The following FBXL20 variants were observed in gnomAD, a reference collection of about 807,000 sequenced individuals.
The protein encoded by FBXL20 is F-box/LRR-repeat protein 20.
In FBXL20, 11 loss-of-function variants were observed where a neutral mutation model predicts 64.0. The observed-to-expected ratio is 0.17, with a 90% confidence interval of 0.11 to 0.28. FBXL20 has a LOEUF of 0.28. Ranked by LOEUF, FBXL20 falls within the 10% of genes least tolerant of loss-of-function variation. The pLI is 1.00. For synonymous variants in FBXL20, 184 were observed against 189.0 expected (o/e 0.97, Z 0.22); for missense variants, 303 against 526.2 (o/e 0.58, Z 4.15).
chr17:39,304,337 G>C (rs746665409), intron 2 of FBXL20, among the ~76,000 whole-genome samples: 12 of 152,100 alleles, frequency 7.9e-5, no homozygotes, highest in Non-Finnish European at 1.8e-4. Flanking sequence ...ACGCAGGCTT[G>C]AGTGCAGTGG....
intron 1 of FBXL20, among the ~76,000 whole-genome samples, chr17:39,363,651 AATTT>A (rs1348132913): frequency 1.3e-5 from 2 of 151,670 alleles, no homozygotes; most frequent in Non-Finnish European, 2.9e-5. Context: ...CTCTAGAAAA[AATTT>A]TAAAAACTAG....
At chr17:39,382,051 CCACTG>C (rs1010960463) in intron 1 of FBXL20, among the ~76,000 whole-genome samples, 10 of 148,256 alleles carry the variant, frequency 6.7e-5, no homozygotes, top group Non-Finnish European at 1.0e-4. Flanking sequence ...CCAGATCAGG[CCACTG>C]CACTCCAGCC....
intron 11 of FBXL20, among the ~76,000 whole-genome samples, chr17:39,269,746 C>G (rs527593707): frequency 3.3e-5 from 5 of 152,118 alleles, no homozygotes; most frequent in South Asian, 2.1e-4. Flanking sequence ...GATCCACCCC[C>G]CTTGGCCTCC....
intron 1 of FBXL20, among the ~76,000 whole-genome samples, chr17:39,365,197 T>C (rs1390248471): frequency 6.6e-6 from 1 of 152,228 alleles, no homozygotes; most frequent in Admixed American, 6.5e-5. Context: ...ATGTGTATTT[T>C]TCCTATAAGT....
At chr17:39,312,149 G>A (rs1015744163) in intron 2 of FBXL20, among the ~76,000 whole-genome samples, 1 of 152,092 alleles carries the variant, frequency 6.6e-6, no homozygotes, top group Non-Finnish European at 1.5e-5. Flanking sequence ...GGGCATGGTG[G>A]CTCACGCCTG....
chr17:39,382,433 A>C, intron 1 of FBXL20, among the ~76,000 whole-genome samples: 2 of 130,688 alleles, frequency 1.5e-5, no homozygotes, highest in African/African-American at 3.3e-5. Context: ...ACAGAGAGAG[A>C]CTCCATCTCA....
At chr17:39,314,410 T>C (rs1481208782) in intron 2 of FBXL20, among the ~76,000 whole-genome samples, 1 of 152,080 alleles carries the variant, frequency 6.6e-6, no homozygotes, top group Non-Finnish European at 1.5e-5. Flanking sequence ...CTGGCTGTAG[T>C]GGCGCCATCC....
At chr17:39,391,323 T>C (rs1047435287) in intron 1 of FBXL20, among the ~76,000 whole-genome samples, 3 of 149,052 alleles carry the variant, frequency 2.0e-5, no homozygotes, top group African/African-American at 7.4e-5. Flanking sequence ...TATAGGATAA[T>C]ATTACAAAGT....
chr17:39,264,229 C>T lies in FBXL20; in HGVS notation c.1149G>A (p.Arg383=), dbSNP rs753605881. ...TTTGCTGGCAGTCATAGAGTTCTAT[C>T]CGCTCAAGGCTATGACAGCTCTTCA... ...EHLKSCHSLE[R]IELYDCQQIT... The change falls in exon 14 of 15, where the codon CGG becomes CGA. Residue 383 remains arginine (R), a synonymous_variant. Transcript: ENST00000264658. 6.2e-7 allele frequency: 1 copy of T among 1,614,232 alleles called. No individual in the cohort carries two copies. The highest frequency in any genetic ancestry group is 8.5e-7 in the Non-Finnish European group (1 of 1,180,040).
At chr17:39,334,330 T>G (rs1352985362) in intron 2 of FBXL20, among the ~76,000 whole-genome samples, 1 of 152,088 alleles carries the variant, frequency 6.6e-6, no homozygotes, top group Non-Finnish European at 1.5e-5. Context: ...ACACAAACAC[T>G]GCGGAAGGCA....
At chr17:39,326,827 T>G (rs2047413810) in intron 2 of FBXL20, among the ~76,000 whole-genome samples, 1 of 146,378 alleles carries the variant, frequency 6.8e-6, no homozygotes, top group African/African-American at 2.6e-5. Flanking sequence ...GGGCTCTCAC[T>G]ATGTTGCCCA....
intron 2 of FBXL20, among the ~76,000 whole-genome samples, chr17:39,331,577 T>C (rs1864229700): frequency 6.6e-6 from 1 of 152,206 alleles, no homozygotes; most frequent in Non-Finnish European, 1.5e-5. Context: ...ATTATTTCCA[T>C]GCCTGTTCTC....
chr17:39,278,641 G>C (rs575663938), intron 9 of FBXL20, among the ~76,000 whole-genome samples: 118 of 147,172 alleles, frequency 8.0e-4, no homozygotes, highest in African/African-American at 2.9e-3. Context: ...TCCACCTCCT[G>C]GGTTCAAGCG....
chr17:39,324,586 G>C (rs2047392646), intron 2 of FBXL20, among the ~76,000 whole-genome samples: 1 of 152,104 alleles, frequency 6.6e-6, no homozygotes, highest in African/African-American at 2.4e-5. Context: ...GCCTGGCCCA[G>C]GTGTTTCTTA....
intron 1 of FBXL20, among the ~76,000 whole-genome samples, chr17:39,369,792 A>C (rs1365976400): frequency 1.3e-5 from 2 of 152,070 alleles, no homozygotes; most frequent in African/African-American, 4.8e-5. Context: ...TGTGGTCCAC[A>C]CCCCACTACT....
chr17:39,389,825 A>G (rs549039014), intron 1 of FBXL20, among the ~76,000 whole-genome samples: 1 of 152,172 alleles, frequency 6.6e-6, no homozygotes, highest in South Asian at 2.1e-4. Flanking sequence ...CTCTAAATAA[A>G]CAAATAAATA....
chr17:39,400,703 A>C (rs2048232921), intron 1 of FBXL20, among the ~76,000 whole-genome samples: 1 of 152,206 alleles, frequency 6.6e-6, no homozygotes, highest in Non-Finnish European at 1.5e-5. Context: ...AAGTTCCTGA[A>C]AGACAGACCG....
intron 1 of FBXL20, among the ~76,000 whole-genome samples, chr17:39,351,083 C>T (rs543110647): frequency 6.6e-6 from 1 of 151,994 alleles, no homozygotes; most frequent in Non-Finnish European, 1.5e-5. Flanking sequence ...GCCTGTAATC[C>T]CAGCACTTTG....
chr17:39,259,285 G>A lies in FBXL20; in HGVS notation c.*2175C>T, dbSNP rs1188052314. 3 of 151,734 alleles carry A rather than the reference G, an allele frequency of 2.0e-5. No homozygotes were observed. The highest frequency in any genetic ancestry group is 4.8e-5 in the African/African-American group (2 of 41,276). The allele number at this position is 151,734 out of a possible 1,614,324, so 9.4% of individuals were successfully genotyped here. On this transcript the variant is annotated 3_prime_UTR_variant, in exon 15 of 15. Transcript: ENST00000264658. ...TTGAGTCCAGGCTGGGCAAGATAGC[G>A]AGACCCCATCTCTAAAAAAATAAAA...
Sources: gnomAD v4.1 joint callset for allele counts (sites outside exome capture counted in the v4.1 genomes callset) on GRCh38, gnomAD v4.1.1 for gene constraint, MANE v1.5 for transcripts, NCBI Gene and HGNC (gene_info 2026-07-23, HGNC 2026-07-21) for gene names.